SIGLEC1: variants seen among roughly 807,000 people sequenced by gnomAD.
The protein encoded by SIGLEC1 is sialic acid binding Ig like lectin 1.
SIGLEC1 carries 132 observed loss-of-function variants against 148.0 expected under a neutral mutation model. The observed-to-expected ratio is 0.89, with a 90% CI of 0.77 to 1.03. The LOEUF (loss-of-function observed/expected upper bound fraction) is 1.03, where lower values mean the gene tolerates loss of function less well. Ranked by LOEUF, SIGLEC1 falls within the 50% of genes least tolerant of loss-of-function variation. The pLI is 0.00. For synonymous variants in SIGLEC1, 945 were observed against 969.0 expected, an observed-to-expected ratio of 0.98 and a Z score of 0.46; for missense variants, 2,253 against 2,271.4, an observed-to-expected ratio of 0.99 and a Z score of 0.16.
Position 3,704,032 on chromosome 20 carries a change from C to T in SIGLEC1, c.766G>A (p.Glu256Lys). Residue 256 changes from glutamate (E) to lysine (K), a missense_variant, in exon 5 of 22, where the codon GAG (glutamate) becomes AAG (lysine). By Grantham distance (56) the Glu-to-Lys change is moderately conservative. Transcript: ENST00000344754. Reference sequence around the variant, plus strand: ...ACCTGGCAGGTGAGTGTGACCAGCTCACCTGGAAGGATGTTCCTCCCCGAG... The same window carrying T: ...ACCTGGCAGGTGAGTGTGACCAGCTTACCTGGAAGGATGTTCCTCCCCGAG... Reference protein sequence around the residue: ...SPSGRNILPGELVTLTCQVNS... With the variant: ...SPSGRNILPGKLVTLTCQVNS... 1.2e-6 allele frequency: 2 copies of T among 1,613,648 alleles called. No homozygotes were observed. Among genetic ancestry groups the T allele is most frequent in the African/African-American group, 1.3e-5 (1 of 75,016 alleles).
Position 3,687,943 on chromosome 20 carries a change from T to G in SIGLEC1, c.*617A>C, listed in dbSNP as rs551158317. ...GGCATGGGTGTGCTTCTACCTCCAC[T>G]CTTCCTTCTTCTGGCTGGAGGGCAT... On this transcript the variant is annotated 3_prime_UTR_variant, in exon 22 of 22. Transcript: ENST00000344754. 1.1e-3 allele frequency: 179 copies of G among 157,688 alleles called. No homozygotes were observed. The highest frequency in any genetic ancestry group is 2.4e-3 in the South Asian group (13 of 5,386). The allele number at this position is 157,688 out of a possible 1,614,324, so 9.8% of individuals were successfully genotyped here.
Position 3,693,052 on chromosome 20 carries a change from G to C in SIGLEC1, c.3588C>G (p.Asp1196Glu). The C allele has an allele frequency of 6.2e-7, 1 of 1,608,858 alleles. No individual in the cohort carries two copies. The highest frequency in any genetic ancestry group is 8.5e-7 in the Non-Finnish European group (1 of 1,179,366). Residue 1196 changes from aspartate to glutamate, a missense_variant, in exon 15 of 22, where the codon GAC (aspartate) becomes GAG (glutamate). Physicochemically the swap from Asp to Glu is conservative, Grantham distance 45. Transcript: ENST00000344754. Reference protein sequence around the residue: ...GQLALVLCTVDSRPPAQLALS... With the variant: ...GQLALVLCTVESRPPAQLALS... ...GGGCCAGCTGGGCGGGCGGGCGGCT[G>C]TCCACAGTGCACAGTACCAGGGCCA...
chr20:3,693,651 G>C lies in SIGLEC1; in HGVS notation c.3304C>G (p.Leu1102Val). 6.2e-7 allele frequency: 1 copy of C among 1,609,748 alleles called. No individual in the cohort carries two copies. The highest frequency in any genetic ancestry group is 1.1e-5 in the South Asian group (1 of 90,386). ...WPGATVREGQ[L>V]VNLTCLVWTT... ...CACACAAGGCAGGTCAGGTTCACCA[G>C]CTGCCCCTCCCGCACGGTAGCCCCG... The change falls in exon 14 of 22, where the codon CTG becomes GTG. Residue 1102 changes from leucine to valine, a missense_variant. Leu to Val is a conservative substitution (Grantham distance 32). Transcript: ENST00000344754.
At chr20:3,711,068 G>GC (rs1459704897) in intron 1 of SIGLEC1, among the ~76,000 whole-genome samples, 1 of 152,196 alleles carries the variant, frequency 6.6e-6, no homozygotes, top group Admixed American at 6.5e-5. Flanking sequence ...AGCACGCAGC[G>GC]CCCCCTGGTG....
rs760540394 is a variant in SIGLEC1 at position 3,699,265 on chromosome 20, A to G, written c.1723T>C (p.Cys575Arg). ...GCACTGTGGCCGTCCCGGGCCCGGC[A>G]GTGGTATGAGCCGGCGTCAGTGCTG... ...ASSTDAGSYHCRARDGHSASG... is the reference protein window; with the variant it reads ...ASSTDAGSYHRRARDGHSASG... Residue 575 changes from cysteine to arginine, a missense_variant, in exon 8 of 22, where the codon TGC becomes CGC. By Grantham distance (180) the Cys-to-Arg change is radical. Transcript: ENST00000344754. 4.3e-6 allele frequency: 7 copies of G among 1,609,842 alleles called. No individual in the cohort carries two copies. Among genetic ancestry groups the G allele is most frequent in the Non-Finnish European group, 5.9e-6 (7 of 1,178,766 alleles).
In SIGLEC1 at chr20:3,699,296, C is replaced by T. The variant is rs73583085; in HGVS notation, c.1692G>A (p.Ala564=). 4,778 of 1,608,334 alleles carry T rather than the reference C, an allele frequency of 3.0e-3. 130 individuals are homozygous for T. The African/African-American group carries it at 0.057, about 19-fold the overall frequency. Reference sequence around the variant, plus strand: ...ATGAGCCGGCGTCAGTGCTGGAGGCCGCGGGGAGCAGGAGGCTGCTGCCGG... The same window carrying T: ...ATGAGCCGGCGTCAGTGCTGGAGGCTGCGGGGAGCAGGAGGCTGCTGCCGG... ...EGPGSSLLLP[A]ASSTDAGSYH... Residue 564 remains alanine, a synonymous_variant, in exon 8 of 22, where the codon GCG becomes GCA. Transcript: ENST00000344754.
chr20:3,689,407 G>A, intron 20 of SIGLEC1, 180 bp from the exon 21 acceptor site: 1 of 672,856 alleles, frequency 1.5e-6, no homozygotes, highest in Non-Finnish European at 2.6e-6. Flanking sequence ...CAGAGAGGAG[G>A]AAAGAAGGAA....
intron 4 of SIGLEC1, among the ~76,000 whole-genome samples, chr20:3,704,835 G>A (rs1600290070): frequency 6.6e-6 from 1 of 152,176 alleles, no homozygotes; most frequent in East Asian, 1.9e-4. Context: ...TGTTGCCCAG[G>A]CTGGTCTCGA....
At chr20:3,705,614 T>A in intron 4 of SIGLEC1, 130 bp downstream of exon 4, 2 of 980,962 alleles carry the variant, frequency 2.0e-6, no homozygotes, top group Non-Finnish European at 3.0e-6. Context: ...TGCCCTACCC[T>A]GGAGGCCCAG....
chr20:3,711,298 T>C (rs1159473645), intron 1 of SIGLEC1, among the ~76,000 whole-genome samples: 1 of 152,216 alleles, frequency 6.6e-6, no homozygotes, highest in African/African-American at 2.4e-5. Flanking sequence ...ATGTGTTGCA[T>C]CAGGGTGGCT....
At chr20:3,690,829 C>G (rs6139179) in intron 18 of SIGLEC1, among the ~76,000 whole-genome samples, 1 of 117,038 alleles carries the variant, frequency 8.5e-6, no homozygotes, top group African/African-American at 3.8e-5. Context: ...CTTTTCTTTT[C>G]TTTTTTTTTT....
rs1209541975 is a variant in SIGLEC1, at chr20:3,697,826, G to A, written c.2094C>T (p.Ala698=). Residue 698 remains alanine (A), a synonymous_variant, in exon 9 of 22, where the codon GCC becomes GCT. Coordinates refer to ENST00000344754, the MANE Select transcript of SIGLEC1 (RefSeq NM_023068.4). ...GGCCATTGAAGGTGGCTGAGGTGGA[G>A]GCGTTGCCCAGGGCATTGCTGGCCT... ...LCEASNALGN[A]STSATFNGQA... is the part of the protein sequence containing the mutation. 1 of 1,612,894 alleles carries A rather than the reference G, an allele frequency of 6.2e-7. No individual in the cohort carries two copies.
At position 3,688,189 on chromosome 20, in the gene SIGLEC1, G is replaced by A. The variant is rs548514859; in HGVS notation, c.*371C>T. On this transcript the variant is annotated 3_prime_UTR_variant, in exon 22 of 22. Transcript: ENST00000344754. ...ACTCTGTTGAATACAGAATGCCTTG[G>A]TGAGCCTCTGAGGATGCAGGATGCT... 86 of 329,980 alleles carry A rather than the reference G, an allele frequency of 2.6e-4. No homozygotes were observed. Among genetic ancestry groups the A allele is most frequent in the Non-Finnish European group, 4.8e-4 (82 of 171,470 alleles). The allele number at this position is 329,980 out of a possible 1,614,324, so 20.4% of individuals were successfully genotyped here. A position where few individuals can be genotyped will look rare whatever the true frequency, so the allele number is the denominator to read the frequency against.
At chr20:3,704,165 C>T in intron 4 of SIGLEC1, 74 bp from the exon 5 acceptor site, 4 of 1,403,904 alleles carry the variant, frequency 2.8e-6, no homozygotes, top group Admixed American at 1.8e-5. Context: ...TTCTTGCCCC[C>T]CTTTAAAAGC....
chr20:3,692,682 G>C lies in SIGLEC1; in HGVS notation c.3869C>G (p.Thr1290Arg), dbSNP rs777797357. The change falls in exon 16 of 22, where the codon ACA (threonine) becomes AGA (arginine). Residue 1290 changes from threonine (T) to arginine (R), a missense_variant. Thr to Arg is a moderately conservative substitution (Grantham distance 71, BLOSUM62 -1). Transcript: ENST00000344754. ...ACCGTTGTGGTACCAAGTATAGAGT[G>C]TGGGTGCGTGGGCAGCAGGGTCCGC... ...TCADPAAHAPTLYTWYHNGRW... is the reference protein window; with the variant it reads ...TCADPAAHAPRLYTWYHNGRW... 1 of 1,613,092 alleles carries C rather than the reference G, an allele frequency of 6.2e-7. No homozygotes were observed. Among genetic ancestry groups the C allele is most frequent in the Non-Finnish European group, 8.5e-7 (1 of 1,180,032 alleles).
At chr20:3,702,784 A>C (rs6084438) in intron 6 of SIGLEC1, among the ~76,000 whole-genome samples, 48,592 of 152,002 alleles carry the variant, frequency 0.32, 8,336 homozygotes, top group South Asian at 0.43. Context: ...GTATAAGTGC[A>C]CATGTCCACA....
In SIGLEC1 at chr20:3,703,839, C is replaced by A. The variant is rs1267859466; in HGVS notation, c.959G>T (p.Ser320Ile). Residue 320 changes from serine (S) to isoleucine (I), a missense_variant, in exon 5 of 22, where the codon AGC (serine) becomes ATC (isoleucine). Physicochemically the swap from Ser to Ile is moderately radical, Grantham distance 142 (BLOSUM62 -2). Coordinates refer to ENST00000344754, the MANE Select transcript of SIGLEC1 (RefSeq NM_023068.4). ...GVGSLVSPPI[S>I]LHIFMAEVQV... ...CAAGAACTCACTGAAGATGTGGAGG[C>A]TGATGGGGGGTGAGACCAAAGAGCC... The A allele has an allele frequency of 6.2e-7, 1 of 1,614,000 alleles. No individual in the cohort carries two copies. The highest frequency in any genetic ancestry group is 8.5e-7 in the Non-Finnish European group (1 of 1,180,020).
intron 18 of SIGLEC1, 84 bp downstream of exon 18, chr20:3,691,256 C>T (rs1286980101): frequency 1.3e-6 from 2 of 1,548,440 alleles, no homozygotes; most frequent in African/African-American, 1.4e-5. Flanking sequence ...AGCCTTCACT[C>T]TTGGCAGACA....
Position 3,694,514 on chromosome 20 carries a change from G to A in SIGLEC1, c.2963C>T (p.Thr988Ile). 3 of 1,561,746 alleles carry A rather than the reference G, an allele frequency of 1.9e-6. No homozygotes were observed. Among genetic ancestry groups the A allele is most frequent in the South Asian group, 2.4e-5 (2 of 83,202 alleles). ...GCCTGTGTCCATCAGGGTAGTGAGT[G>A]TGACGTGGCGTGGGGCATCTACACA... is the stretch of plus-strand genomic sequence containing the variant. The part of the protein sequence containing the change: ...LHVSYAPRHV[T>I]LTTLMDTGPG... The change falls in exon 13 of 22, where the codon ACA becomes ATA. Residue 988 changes from threonine (T) to isoleucine (I), a missense_variant. Coordinates refer to ENST00000344754, the MANE Select transcript of SIGLEC1 (RefSeq NM_023068.4).
Sources: allele counts gnomAD v4.1 joint callset (sites outside exome capture counted in the v4.1 genomes callset), GRCh38; gene constraint gnomAD v4.1.1; transcripts MANE v1.5; gene names NCBI Gene and HGNC (gene_info 2026-07-23, HGNC 2026-07-21).